Variants in GAP43 observed in about 807,000 individuals in gnomAD.
GAP43 encodes the protein growth associated protein 43, also known as neuromodulin.
Under a neutral mutation model 18.6 loss-of-function variants are expected in GAP43, and 6 were observed. The observed-to-expected ratio is 0.32, with a 90% CI of 0.18 to 0.64. The LOEUF (loss-of-function observed/expected upper bound fraction) is 0.64, where lower values mean the gene tolerates loss of function less well. Ranked by LOEUF, GAP43 falls within the 30% of genes least tolerant of loss-of-function variation. The pLI is 0.78. For synonymous variants in GAP43, 115 were observed against 111.4 expected, an observed-to-expected ratio of 1.03 and a Z score of -0.20; for missense variants, 292 against 295.5, an observed-to-expected ratio of 0.99 and a Z score of 0.09.
At chr3:115,650,654 C>T (rs1415197421) in intron 1 of GAP43, among the ~76,000 whole-genome samples, 2 of 152,148 alleles carry the variant, frequency 1.3e-5, no homozygotes. Context: ...CTAGAATCTG[C>T]ACATGTGGAA....
chr3:115,650,270 A>C (rs1262740492), intron 1 of GAP43, among the ~76,000 whole-genome samples: 1 of 152,126 alleles, frequency 6.6e-6, no homozygotes. Context: ...TAAAGAGTGC[A>C]ACTCATCCCA....
chr3:115,623,968 T>G (rs1385584029), intron 1 of GAP43, among the ~76,000 whole-genome samples: 2 of 152,128 alleles, frequency 1.3e-5, no homozygotes, highest in Non-Finnish European at 2.9e-5. Flanking sequence ...AAATAATTTT[T>G]TTTTTTCTTA....
Position 115,676,248 on chromosome 3 carries a change from A to C in GAP43, c.266A>C (p.Glu89Ala), listed in dbSNP as rs960334976. The C allele has an allele frequency of 6.2e-7, 1 of 1,614,050 alleles. No individual in the cohort carries two copies. The highest frequency in any genetic ancestry group is 1.3e-5 in the African/African-American group (1 of 74,940). ...AAGGGAGAAGGCACCACTACTGCCG[A>C]AGCAGCCCCAGCCACTGGCTCCAAG... ...EKKGEGTTTA[E>A]AAPATGSKPD... The change falls in exon 2 of 3, where the codon GAA becomes GCA. Residue 89 changes from glutamate to alanine, a missense_variant. Coordinates refer to ENST00000305124, the MANE Select transcript of GAP43 (RefSeq NM_002045.4).
intron 1 of GAP43, among the ~76,000 whole-genome samples, chr3:115,648,586 T>C (rs570802093): frequency 6.6e-6 from 1 of 152,206 alleles, no homozygotes; most frequent in South Asian, 2.1e-4. Context: ...ATGGCCAGCA[T>C]GAGGAAAACA....
intron 1 of GAP43, among the ~76,000 whole-genome samples, chr3:115,629,156 AC>A (rs1347798708): frequency 1.3e-5 from 2 of 152,084 alleles, no homozygotes; most frequent in Non-Finnish European, 2.9e-5. Context: ...CTGCTTTTCT[AC>A]CCTGTTTATA....
At chr3:115,647,180 C>T (rs1474831993) in intron 1 of GAP43, among the ~76,000 whole-genome samples, 2 of 151,344 alleles carry the variant, frequency 1.3e-5, no homozygotes, top group Admixed American at 6.6e-5. Flanking sequence ...CATAGAGCTT[C>T]CTTGCTTGAC....
intron 1 of GAP43, among the ~76,000 whole-genome samples, chr3:115,633,323 G>A (rs966864685): frequency 1.3e-5 from 2 of 152,064 alleles, no homozygotes; most frequent in Non-Finnish European, 2.9e-5. Flanking sequence ...CCACAGGGCC[G>A]ATATCTCTGA....
intron 2 of GAP43, among the ~76,000 whole-genome samples, chr3:115,707,542 C>T (rs1207888161): frequency 1.3e-5 from 2 of 152,164 alleles, no homozygotes; most frequent in South Asian, 2.1e-4. Flanking sequence ...CCTCCTACCT[C>T]AGCCTCCCAA....
chr3:115,647,125 A>C (rs1708466933), intron 1 of GAP43, among the ~76,000 whole-genome samples: 1 of 151,990 alleles, frequency 6.6e-6, no homozygotes, highest in Non-Finnish European at 1.5e-5. Context: ...AGGTCATGAG[A>C]GTGAAGCCCT....
intron 1 of GAP43, among the ~76,000 whole-genome samples, chr3:115,650,342 C>A (rs987535843): frequency 6.6e-6 from 1 of 152,170 alleles, no homozygotes; most frequent in Non-Finnish European, 1.5e-5. Flanking sequence ...TATAGTATAT[C>A]CACAACCCAA....
chr3:115,661,593 G>A (rs899307903), intron 1 of GAP43, among the ~76,000 whole-genome samples: 2 of 151,966 alleles, frequency 1.3e-5, no homozygotes, highest in African/African-American at 2.4e-5. Context: ...GGTTCACGCC[G>A]TTCTCCTGTC....
intron 1 of GAP43, among the ~76,000 whole-genome samples, chr3:115,668,250 G>A (rs759460637): frequency 6.6e-6 from 1 of 152,068 alleles, no homozygotes; most frequent in South Asian, 2.1e-4. Context: ...GTGCCTCATC[G>A]CAACACTGGG....
intron 1 of GAP43, among the ~76,000 whole-genome samples, chr3:115,645,813 C>CTCT (rs1205596527): frequency 6.6e-6 from 1 of 151,846 alleles, no homozygotes; most frequent in East Asian, 1.9e-4. Context: ...TTTCTTAAGG[C>CTCT]TCTTCATCAT....
chr3:115,633,591 C>T (rs115233490), intron 1 of GAP43, among the ~76,000 whole-genome samples: 262 of 152,178 alleles, frequency 1.7e-3, no homozygotes, highest in African/African-American at 5.9e-3. Flanking sequence ...ACTGATGGCT[C>T]TAAAAGGAAG....
chr3:115,685,561 G>C (rs1319728524), intron 2 of GAP43, among the ~76,000 whole-genome samples: 1 of 152,202 alleles, frequency 6.6e-6, no homozygotes, highest in Non-Finnish European at 1.5e-5. Flanking sequence ...TGTACAGCCT[G>C]TGAGCTATTC....
chr3:115,669,516 C>T (rs776757679), intron 1 of GAP43, among the ~76,000 whole-genome samples: 4 of 152,174 alleles, frequency 2.6e-5, no homozygotes, highest in African/African-American at 7.2e-5. Context: ...AGGTACTTCT[C>T]AAAGGCTGAC....
intron 2 of GAP43, among the ~76,000 whole-genome samples, chr3:115,697,048 A>G (rs1330839951): frequency 6.6e-6 from 1 of 151,942 alleles, no homozygotes; most frequent in Non-Finnish European, 1.5e-5. Context: ...CATATTGGTC[A>G]GGATGGTCTC....
chr3:115,716,966 G>A (rs1017356170), intron 2 of GAP43, among the ~76,000 whole-genome samples: 4 of 151,542 alleles, frequency 2.6e-5, no homozygotes, highest in African/African-American at 4.9e-5. Context: ...TTTCAGTGCC[G>A]AATTGCTAAA....
intron 1 of GAP43, among the ~76,000 whole-genome samples, chr3:115,654,609 T>G (rs1708558623): frequency 6.6e-6 from 1 of 152,216 alleles, no homozygotes; most frequent in African/African-American, 2.4e-5. Context: ...AAACGTTGGC[T>G]GGACAAAAGA....
Sources: gnomAD v4.1 joint callset for allele counts (sites outside exome capture counted in the v4.1 genomes callset) on GRCh38, gnomAD v4.1.1 for gene constraint, MANE v1.5 for transcripts, NCBI Gene and HGNC (gene_info 2026-07-23, HGNC 2026-07-21) for gene names.